The following SMARCE1 variants were observed in gnomAD, a reference collection of about 807,000 sequenced individuals.
The protein encoded by SMARCE1 is SWI/SNF-related matrix-associated actin-dependent regulator of chromatin subfamily E member 1.
Under a neutral mutation model 54.9 loss-of-function variants are expected in SMARCE1, and 13 were observed. That is an observed-to-expected ratio of 0.24 (90% CI 0.15 to 0.38). SMARCE1 has a LOEUF of 0.38. SMARCE1 is among the 10% of genes least tolerant of loss of function. SMARCE1 has a pLI of 1.00. For synonymous variants in SMARCE1, 151 were observed against 175.3 expected (o/e 0.86, Z 1.10); for missense variants, 295 against 523.8 (o/e 0.56, Z 4.26).
At chr17:40,634,970 TC>T (rs2037131481) in intron 7 of SMARCE1, 1 of 152,192 alleles carries the variant, frequency 6.6e-6, no homozygotes. Flanking sequence ...AGTATTACAT[TC>T]CACTGTCTGT....
intron 1 of SMARCE1, 198 bp downstream of exon 1, chr17:40,647,575 T>G (rs975892662): frequency 6.5e-6 from 1 of 152,760 alleles, no homozygotes; most frequent in African/African-American, 2.4e-5. Flanking sequence ...TGGCCTTGCC[T>G]CCAAGGAGGG....
At chr17:40,635,366 C>T (rs1331113083) in intron 7 of SMARCE1, 1 of 152,000 alleles carries the variant, frequency 6.6e-6, no homozygotes, top group Non-Finnish European at 1.5e-5. Context: ...AATCAGAACA[C>T]CTGCTAACTA....
chr17:40,646,027 T>G lies in SMARCE1; in HGVS notation c.-45-180A>C, dbSNP rs188181059. The stretch of plus-strand genomic sequence containing the variant: ...AGTTCTTATAGGTCATTTGGTTGAT[T>G]AGAATTAAATGACTAAAATAAAGTA... On this transcript the variant is annotated intron_variant, in intron 1 of 10. Transcript: ENST00000348513. Among the ~76,000 whole-genome samples the G allele has an allele frequency of 6.6e-4, 100 of 152,336 alleles. 1 individual carries two copies. The highest frequency in any genetic ancestry group is 5.0e-3 in the East Asian group (26 of 5,190).
chr17:40,632,611 G>C, intron 7 of SMARCE1: 2 of 412,498 alleles, frequency 4.8e-6, no homozygotes, highest in Non-Finnish European at 8.6e-6. Context: ...GTCTGAGAAG[G>C]ATTTGGCTAA....
At position 40,627,495 on chromosome 17, in the gene SMARCE1, G is replaced by A. The variant is rs1019669902; in HGVS notation, c.*1290C>T. The A allele has an allele frequency of 6.6e-6, 1 of 152,146 alleles. No individual in the cohort carries two copies. The highest frequency in any genetic ancestry group is 1.5e-5 in the Non-Finnish European group (1 of 68,016). The allele number at this position is 152,146 out of a possible 1,614,324, so 9.4% of individuals were successfully genotyped here. On this transcript the variant is annotated 3_prime_UTR_variant, in exon 11 of 11. Coordinates refer to ENST00000348513, the MANE Select transcript of SMARCE1 (RefSeq NM_003079.5). The stretch of plus-strand genomic sequence containing the variant: ...GAATCAAAGACCAACTTCCATATGT[G>A]ACAATGACTATAATGTAAGAAAACT...
At chr17:40,645,234 A>T in intron 3 of SMARCE1, 1 of 374,688 alleles carries the variant, frequency 2.7e-6, no homozygotes, top group Non-Finnish European at 4.7e-6. Context: ...AAATAGCCAG[A>T]ATGAGCATTC....
At chr17:40,632,395 C>A (rs751459018) in intron 7 of SMARCE1, 28 bp from the exon 8 acceptor site, 1 of 1,596,812 alleles carries the variant, frequency 6.3e-7, no homozygotes, top group Non-Finnish European at 8.6e-7. Flanking sequence ...TTCTGGAAAT[C>A]AGGTCACCAG....
chr17:40,626,906 A>G lies in SMARCE1; in HGVS notation c.*1879T>C, dbSNP rs950041196. On this transcript the variant is annotated 3_prime_UTR_variant, in exon 11 of 11. Transcript: ENST00000348513. ...TTAATTCCCTCATCAACTGATTGCC[A>G]GTGTTGTATGGACAGGCTTGGTCTG... is the stretch of plus-strand genomic sequence containing the variant. 3 of 119,528 alleles carry G rather than the reference A, an allele frequency of 2.5e-5. No individual in the cohort carries two copies. Among genetic ancestry groups the G allele is most frequent in the Non-Finnish European group, 5.2e-5 (3 of 57,156 alleles). 7.4% of individuals were successfully genotyped at this position (119,528 alleles called of 1,614,324 possible).
chr17:40,626,744 G>A lies in SMARCE1; in HGVS notation c.*2041C>T, dbSNP rs2037039299. On this transcript the variant is annotated 3_prime_UTR_variant, in exon 11 of 11. Transcript: ENST00000348513. ...AAAAATTAACCGGGCATGGTGGCGAGAGCCTGTAATCCCAGCTGCTCTAGA... is the reference window on the plus strand; with the variant it reads ...AAAAATTAACCGGGCATGGTGGCGAAAGCCTGTAATCCCAGCTGCTCTAGA... 1 of 152,086 alleles carries A rather than the reference G, an allele frequency of 6.6e-6. No homozygotes were observed. Among genetic ancestry groups the A allele is most frequent in the Admixed American group, 6.6e-5 (1 of 15,262 alleles). 9.4% of individuals were successfully genotyped at this position (152,086 alleles called of 1,614,324 possible).
intron 4 of SMARCE1, 36 bp from the exon 5 acceptor site, chr17:40,637,608 T>A (rs2037159088): frequency 1.3e-6 from 2 of 1,532,342 alleles, no homozygotes; most frequent in Non-Finnish European, 1.8e-6. Flanking sequence ...TATTCAACTG[T>A]AAGGAGTTCA....
At position 40,630,725 on chromosome 17, in the gene SMARCE1, G is replaced by A. The variant is rs1060501398; in HGVS notation, c.1016C>T (p.Pro339Leu). ...TGCTAGTGGGTTACCTGTCTCCATC[G>A]GAATGTTCTCGTCGTCTTTCTTCTC... Reference protein sequence around the residue: ...GEEKKDDENIPMETEETHLEE... With the variant: ...GEEKKDDENILMETEETHLEE... Residue 339 changes from proline (P) to leucine (L), a missense_variant, in exon 10 of 11, where the codon CCG (proline) becomes CTG (leucine). Pro to Leu is a moderately conservative substitution (Grantham distance 98, BLOSUM62 -3). Around this residue, in one of 5 missense-constraint regions of SMARCE1, gnomAD observed 147 missense variants for 161.4 expected, o/e 0.91. Coordinates refer to ENST00000348513, the MANE Select transcript of SMARCE1 (RefSeq NM_003079.5). The A allele has an allele frequency of 2.1e-5, 34 of 1,613,732 alleles. No homozygotes were observed. Among genetic ancestry groups the A allele is most frequent in the South Asian group, 3.3e-5 (3 of 91,070 alleles).
intron 10 of SMARCE1, 132 bp from the exon 11 acceptor site, chr17:40,629,125 AGT>A: frequency 1.5e-6 from 1 of 680,132 alleles, no homozygotes; most frequent in Non-Finnish European, 2.5e-6. Context: ...GAAATGAACC[AGT>A]GTGACTAAAG....
rs1482978806 is a variant in SMARCE1 at position 40,628,128 on chromosome 17, C to G, written c.*657G>C. 1 of 152,516 alleles carries G rather than the reference C, an allele frequency of 6.6e-6. No individual in the cohort carries two copies. The allele number at this position is 152,516 out of a possible 1,614,324, so 9.4% of individuals were successfully genotyped here. On this transcript the variant is annotated 3_prime_UTR_variant, in exon 11 of 11. Transcript: ENST00000348513. ...TTACCAGAACATACCCAGTATTAAT[C>G]ATAACAAAAAGCAGTATAGATAATG...
At chr17:40,632,451 G>A (rs781472022) in intron 7 of SMARCE1, 84 bp from the exon 8 acceptor site, 1 of 1,204,046 alleles carries the variant, frequency 8.3e-7, no homozygotes, top group East Asian at 2.4e-5. Flanking sequence ...AATTACCAAC[G>A]AACTATGGCC....
chr17:40,645,864 AGG>A lies in SMARCE1; in HGVS notation c.-45-19_-45-18del. 9.0e-6 allele frequency: 7 copies of A among 777,972 alleles called. No individual in the cohort carries two copies. The highest frequency in any genetic ancestry group is 1.3e-5 in the Non-Finnish European group (7 of 539,582). The allele number at this position is 777,972 out of a possible 1,614,324, so 48.2% of individuals were successfully genotyped here. A position where few individuals can be genotyped will look rare whatever the true frequency, so the allele number is the denominator to read the frequency against. ...TCTGAGACACTAAAATAAAAAAAAA[AGG>A]AAAAAAAAAAGAGAATCAAAACTCA... On this transcript the variant is annotated intron_variant, in intron 1 of 10. Coordinates refer to ENST00000348513, the MANE Select transcript of SMARCE1 (RefSeq NM_003079.5).
rs1425674530 is a variant in SMARCE1, at chr17:40,631,630, G to C, written c.778C>G (p.Leu260Val). ...TTGTTAAATGAATCTGTGCTTTCCA[G>C]GAATTTCCTCTTCTTCTCCTGGTGT... ...ERHQEKKRKFLESTDSFNNEL... is the reference protein window; with the variant it reads ...ERHQEKKRKFVESTDSFNNEL... The change falls in exon 9 of 11, where the codon CTG becomes GTG. Residue 260 changes from leucine (L) to valine (V), a missense_variant. Physicochemically the swap from Leu to Val is conservative, Grantham distance 32. Coordinates refer to ENST00000348513, the MANE Select transcript of SMARCE1 (RefSeq NM_003079.5). 4 of 1,609,378 alleles carry C rather than the reference G, an allele frequency of 2.5e-6. No homozygotes were observed. The highest frequency in any genetic ancestry group is 3.4e-6 in the Non-Finnish European group (4 of 1,176,218).
intron 4 of SMARCE1, chr17:40,637,864 A>C: frequency 2.6e-6 from 1 of 389,894 alleles, no homozygotes; most frequent in Non-Finnish European, 4.8e-6. Flanking sequence ...ATGGTTATAT[A>C]TCAACCGTCT....
chr17:40,636,373 C>T (rs1171438056), intron 6 of SMARCE1, 22 bp downstream of exon 6: 1 of 1,605,390 alleles, frequency 6.2e-7, no homozygotes, highest in Admixed American at 1.7e-5. Flanking sequence ...ATTATCTATC[C>T]CACTGTGAGC....
intron 10 of SMARCE1, chr17:40,629,410 G>A (rs1034940796): frequency 1.7e-6 from 1 of 589,692 alleles, no homozygotes; most frequent in African/African-American, 1.9e-5. Flanking sequence ...GTCACTAGTA[G>A]AAAATATAAA....
Sources: allele counts gnomAD v4.1 joint callset (sites outside exome capture counted in the v4.1 genomes callset), GRCh38; gene constraint gnomAD v4.1.1; regional missense constraint gnomAD v4.1.1; transcripts MANE v1.5; gene names NCBI Gene and HGNC (gene_info 2026-07-23, HGNC 2026-07-21).